CTBP2: variants seen among roughly 807,000 people sequenced by gnomAD.
The protein encoded by CTBP2 is C-terminal binding protein 2.
In CTBP2, 30 loss-of-function variants were observed where a neutral mutation model predicts 80.3. The ratio of observed to expected loss-of-function variants is 0.37; its 90% CI spans 0.28 to 0.51. The LOEUF is 0.51. CTBP2 is among the 20% of genes least tolerant of loss of function. CTBP2 has a pLI of 0.93. For synonymous variants in CTBP2, 594 were observed against 587.4 expected, an observed-to-expected ratio of 1.01 and a Z score of -0.16; for missense variants, 1,212 against 1,375.3, an observed-to-expected ratio of 0.88 and a Z score of 1.88.
rs1844638671 is a variant in CTBP2 at position 125,066,400 on chromosome 10, T to C, written c.-101-27245A>G. The stretch of plus-strand genomic sequence containing the variant: ...CGTGCCTTCTAAGCAGTCAGGTGCA[T>C]GCACCATGCTAGGTGAGTGCAGGGC... On this transcript the variant is annotated intron_variant, in intron 2 of 10. Transcript: ENST00000337195. The surrounding 1 kb of genome is among the most constrained non-coding windows in gnomAD (Gnocchi z 4.1). Among the ~76,000 whole-genome samples, 1 of 152,174 alleles carries C rather than the reference T, an allele frequency of 6.6e-6. No individual in the cohort carries two copies. Among genetic ancestry groups the C allele is most frequent in the South Asian group, 2.1e-4 (1 of 4,816 alleles).
At chr10:125,120,045 G>A (rs1488920516) in intron 1 of CTBP2, among the ~76,000 whole-genome samples, 1 of 152,224 alleles carries the variant, frequency 6.6e-6, no homozygotes, top group Non-Finnish European at 1.5e-5. Context: ...GTTCTCTTGG[G>A]GATTTCAATG....
intron 1 of CTBP2, among the ~76,000 whole-genome samples, chr10:125,147,312 C>T (rs1435696404): frequency 6.6e-6 from 1 of 152,236 alleles, no homozygotes; most frequent in African/African-American, 2.4e-5. Flanking sequence ...GCTGGGGCAG[C>T]ACTGGGCCCC....
At chr10:125,034,674 C>T (rs1958655112) in intron 3 of CTBP2, among the ~76,000 whole-genome samples, 1 of 152,054 alleles carries the variant, frequency 6.6e-6, no homozygotes. Context: ...TTACGAAGCG[C>T]TCAAAGTGCT....
intron 3 of CTBP2, among the ~76,000 whole-genome samples, chr10:125,036,668 G>GGTGTGTGTGTGT (rs59284647): frequency 8.4e-6 from 1 of 119,282 alleles, no homozygotes; most frequent in African/African-American, 3.8e-5. Context: ...AGCTAGAGGG[G>GGTGTGTGTGTGT]GTGTGTGTGT....
chr10:125,010,952 G>A (rs1040345773), intron 1 of CTBP2, among the ~76,000 whole-genome samples: 6 of 152,196 alleles, frequency 3.9e-5, no homozygotes, highest in Admixed American at 2.0e-4. Flanking sequence ...CACTAAAAAC[G>A]CCAGGATCTT....
chr10:125,027,046 T>A lies in CTBP2; in HGVS notation c.714A>T (p.Ser238=), dbSNP rs1957686149. Reference sequence around the variant, plus strand: ...CTGTGCTGCCTTCGGGGGCAGCAGCTGAACTGGGGTCCACAACCAGGCACG... The same window carrying A: ...CTGTGCTGCCTTCGGGGGCAGCAGCAGAACTGGGGTCCACAACCAGGCACG... The change falls in exon 1 of 9, where the codon TCA becomes TCT. Residue 238 remains serine, a synonymous_variant. Transcript: ENST00000309035. 6.2e-7 allele frequency: 1 copy of A among 1,613,334 alleles called. No homozygotes were observed. Among genetic ancestry groups the A allele is most frequent in the Admixed American group, 1.7e-5 (1 of 59,988 alleles).
intron 1 of CTBP2, among the ~76,000 whole-genome samples, chr10:125,159,505 G>A (rs1861570158): frequency 6.8e-6 from 1 of 147,944 alleles, no homozygotes; most frequent in African/African-American, 2.4e-5. Flanking sequence ...GGCGGCGGCG[G>A]CAGCGGCAGC....
chr10:125,120,926 C>T (rs537481348), intron 1 of CTBP2, among the ~76,000 whole-genome samples: 4 of 152,344 alleles, frequency 2.6e-5, no homozygotes, highest in Admixed American at 2.0e-4. Context: ...GGCCAGATAT[C>T]GGTTCCTTGA....
At position 124,984,715 on chromosome 10, in the gene CTBP2, C is replaced by A; in HGVS notation, c.*4803G>T. 1.3e-6 allele frequency: 2 copies of A among 1,540,414 alleles called. No individual in the cohort carries two copies. The highest frequency in any genetic ancestry group is 1.8e-5 in the Admixed American group (1 of 55,476). ...CAGCTGTAGGTTTCCATGTCACATT[C>A]CTACCAAGTCTCTGATCTGTTGTAT... On this transcript the variant is annotated 3_prime_UTR_variant, in exon 9 of 9. Transcript: ENST00000309035.
intron 2 of CTBP2, among the ~76,000 whole-genome samples, chr10:125,096,540 A>G (rs1397063435): frequency 6.6e-6 from 1 of 152,178 alleles, no homozygotes; most frequent in East Asian, 1.9e-4. Flanking sequence ...CCCTGCCGAA[A>G]CAGTTACTGG....
intron 2 of CTBP2, among the ~76,000 whole-genome samples, chr10:125,060,508 G>T (rs1964759824): frequency 6.6e-6 from 1 of 151,726 alleles, no homozygotes. Context: ...GTGTACATGT[G>T]TGTGTCTGTT....
chr10:125,016,354 C>G (rs1266658296), intron 1 of CTBP2, among the ~76,000 whole-genome samples: 3 of 152,268 alleles, frequency 2.0e-5, no homozygotes, highest in Non-Finnish European at 4.4e-5. Context: ...CAGGAGCCCT[C>G]TGGATGGCCG....
intron 1 of CTBP2, among the ~76,000 whole-genome samples, chr10:125,015,477 G>A (rs1409323072): frequency 6.6e-6 from 1 of 152,202 alleles, no homozygotes; most frequent in African/African-American, 2.4e-5. Context: ...GTGTGGCCTG[G>A]CCATCCTCCC....
At chr10:125,086,164 A>G (rs549839746) in intron 2 of CTBP2, among the ~76,000 whole-genome samples, 1 of 152,318 alleles carries the variant, frequency 6.6e-6, no homozygotes, top group South Asian at 2.1e-4. Flanking sequence ...TGGTGGTATT[A>G]GAGGGTGAGG....
intron 2 of CTBP2, among the ~76,000 whole-genome samples, chr10:125,059,260 G>A (rs921518202): frequency 1.3e-5 from 2 of 152,108 alleles, no homozygotes; most frequent in African/African-American, 4.8e-5. Flanking sequence ...TACGTGAGGG[G>A]TAAGACATAC....
In CTBP2 at chr10:125,026,449, G is replaced by A. The variant is rs200610015; in HGVS notation, c.1311C>T (p.Ser437=). The change falls in exon 1 of 9, where the codon TCC becomes TCT. Residue 437 remains serine (S), a synonymous_variant. Coordinates refer to ENST00000309035, the MANE Select transcript of CTBP2 (RefSeq NM_022802.3). ...CGCAAGGGGTGGGAGAGCTGTACCC[G>A]GAGTTGGAGGGGAAGTGTGGGGCAT... 1.7e-5 allele frequency: 27 copies of A among 1,600,446 alleles called. No individual in the cohort carries two copies. The highest frequency in any genetic ancestry group is 1.7e-4 in the Middle Eastern group (1 of 5,994).
chr10:125,136,286 G>C (rs1056485543), intron 1 of CTBP2, among the ~76,000 whole-genome samples: 1 of 152,174 alleles, frequency 6.6e-6, no homozygotes, highest in African/African-American at 2.4e-5. Context: ...CCTGTGAAAG[G>C]CCAGCCCTGA....
chr10:125,013,555 A>G (rs1256824015), intron 1 of CTBP2, among the ~76,000 whole-genome samples: 1 of 152,228 alleles, frequency 6.6e-6, no homozygotes, highest in Non-Finnish European at 1.5e-5. Flanking sequence ...TTAGCTCCTT[A>G]TACCATATGC....
At chr10:125,036,713 GTGTTTGTGTGTGT>G (rs1958939178) in intron 3 of CTBP2, among the ~76,000 whole-genome samples, 1 of 80,892 alleles carries the variant, frequency 1.2e-5, no homozygotes, top group African/African-American at 6.0e-5. Flanking sequence ...GTGTGTGTGT[GTGTTTGTGTGTGT>G]TAGATGTTCA....
Sources: gnomAD v4.1 joint callset for allele counts (sites outside exome capture counted in the v4.1 genomes callset) on GRCh38, gnomAD v4.1.1 for gene constraint, Gnocchi (gnomAD v3.1) non-coding constraint, MANE v1.5 for transcripts, NCBI Gene and HGNC (gene_info 2026-07-23, HGNC 2026-07-21) for gene names.